The following ANO8 variants were observed in gnomAD, a reference collection of about 807,000 sequenced individuals.
ANO8 encodes anoctamin-8.
ANO8 carries 67 observed loss-of-function variants against 120.4 expected under a neutral mutation model. The observed-to-expected ratio is 0.56, with a 90% confidence interval of 0.46 to 0.68. The LOEUF (loss-of-function observed/expected upper bound fraction) is 0.68, where lower values mean the gene tolerates loss of function less well. Ranked by LOEUF, ANO8 falls within the 30% of genes least tolerant of loss-of-function variation. The pLI is 0.00. For missense variants in ANO8, 1,526 were observed against 1,737.6 expected (o/e 0.88, Z 2.16); for synonymous variants, 727 against 759.2 (o/e 0.96, Z 0.70).
chr19:17,333,141 T>C lies in ANO8; in HGVS notation c.449A>G (p.Tyr150Cys), dbSNP rs779664275. The change falls in exon 4 of 18, where the codon TAT becomes TGT. Residue 150 changes from tyrosine to cysteine, a missense_variant. Around this residue, in one of 8 missense-constraint regions of ANO8, gnomAD observed 322 missense variants for 431.8 expected, o/e 0.75. Transcript: ENST00000159087. The surrounding 1 kb of genome is among the most constrained non-coding windows in gnomAD (Gnocchi z 7.2). ...RGFSCEEDFI[Y>C]ENVESELRFF... ...GCGTAGCTCGCTCTCCACATTCTCATAGATAAAGTCCTCCTCGCAGGAGAA... is the reference window on the plus strand; with the variant it reads ...GCGTAGCTCGCTCTCCACATTCTCACAGATAAAGTCCTCCTCGCAGGAGAA... 2 of 1,613,894 alleles carry C rather than the reference T, an allele frequency of 1.2e-6. No homozygotes were observed. Among genetic ancestry groups the C allele is most frequent in the Admixed American group, 3.3e-5 (2 of 60,006 alleles).
chr19:17,333,178 C>CTT lies in ANO8; in HGVS notation c.411_412insAA (p.Gly138LysfsTer81). 1 of 1,610,518 alleles carries CTT rather than the reference C, an allele frequency of 6.2e-7. No homozygotes were observed. Among genetic ancestry groups the CTT allele is most frequent in the Non-Finnish European group, 8.5e-7 (1 of 1,178,426 alleles). ...TCCTCGCAGGAGAAGCCGCGGGTGC[C>CTT]CCCGCCAAACTCGGCCTTCACTGCT... On this transcript the variant is annotated frameshift_variant, in exon 4 of 18. Transcript: ENST00000159087. LOFTEE classifies it high-confidence loss of function. This position sits in a 1 kb window ranked among gnomAD's most constrained non-coding sequence, Gnocchi z 7.2.
rs1372758370 is a variant in ANO8, at chr19:17,332,918, C to T, written c.586+12G>A. On this transcript the variant is annotated intron_variant, in intron 5 of 17. Transcript: ENST00000159087. ...CTCTGCCTGTGATTGGTGTTGACCC[C>T]GCCCTGCTCACTGATTGGCTGGTCC... is the stretch of plus-strand genomic sequence containing the variant. 8.7e-6 allele frequency: 14 copies of T among 1,613,622 alleles called. No homozygotes were observed. Among genetic ancestry groups the T allele is most frequent in the African/African-American group, 2.7e-5 (2 of 74,946 alleles).
Position 17,324,966 on chromosome 19 carries a change from T to C in ANO8, c.3082A>G (p.Lys1028Glu). ...DTRLPAFLSF[K>E]FLKSPETRRD... The stretch of plus-strand genomic sequence containing the variant: ...CGGGTCTCGGGTGACTTGAGGAACT[T>C]GAAGCTGAGGAAGGCAGGCAGGCGG... Residue 1028 changes from lysine (K) to glutamate (E), a missense_variant, in exon 17 of 18, where the codon AAG becomes GAG. Lys to Glu is a moderately conservative substitution (Grantham distance 56, BLOSUM62 1). Around this residue, in one of 8 missense-constraint regions of ANO8, gnomAD observed 489 missense variants for 548.6 expected, o/e 0.89. Transcript: ENST00000159087. The C allele has an allele frequency of 6.2e-7, 1 of 1,613,120 alleles. No individual in the cohort carries two copies. The highest frequency in any genetic ancestry group is 8.5e-7 in the Non-Finnish European group (1 of 1,179,870).
intron 12 of ANO8, 159 bp from the exon 13 acceptor site, chr19:17,329,142 G>T: frequency 1.8e-6 from 1 of 556,976 alleles, no homozygotes. Flanking sequence ...CTCGACGCGA[G>T]GCCCCCAGCG....
chr19:17,334,750 G>A lies in ANO8; in HGVS notation c.-80C>T. The A allele has an allele frequency of 8.1e-7, 1 of 1,232,684 alleles. No individual in the cohort carries two copies. The highest frequency in any genetic ancestry group is 1.1e-6 in the Non-Finnish European group (1 of 947,228). 76.4% of individuals were successfully genotyped at this position (1,232,684 alleles called of 1,614,324 possible). On this transcript the variant is annotated 5_prime_UTR_variant, in exon 1 of 18. Transcript: ENST00000159087. The stretch of plus-strand genomic sequence containing the variant: ...GGGCTCATGGGGCCGGTGCAGCCGC[G>A]GAGCGCGCGGGAGGAGGAGACAAAG...
rs1340544163 is a variant in ANO8, at chr19:17,328,523, C to T, written c.1865G>A (p.Arg622His). 5 of 1,551,482 alleles carry T rather than the reference C, an allele frequency of 3.2e-6. No homozygotes were observed. Among genetic ancestry groups the T allele is most frequent in the Non-Finnish European group, 4.3e-6 (5 of 1,149,450 alleles). Reference sequence around the variant, plus strand: ...GCCGGGCCGACGCCGCCCCGCGCCGCGCTCAGCGAAGCTGACCTTCTTCAG... The same window carrying T: ...GCCGGGCCGACGCCGCCCCGCGCCGTGCTCAGCGAAGCTGACCTTCTTCAG... ...LRLKKVSFAE[R>H]GAGRRRPGPS... is the part of the protein sequence containing the mutation. The change falls in exon 13 of 18, where the codon CGC becomes CAC. Residue 622 changes from arginine to histidine, a missense_variant. Arg to His is a conservative substitution (Grantham distance 29). This residue lies in a region of ANO8 where 467 missense variants were observed against 425.8 expected (regional missense o/e 1.10). Transcript: ENST00000159087.
Position 17,325,126 on chromosome 19 carries a change from G to A in ANO8, c.2922C>T (p.Asn974=), listed in dbSNP as rs779813009. 1.3e-5 allele frequency: 21 copies of A among 1,613,698 alleles called. No homozygotes were observed. The highest frequency in any genetic ancestry group is 1.2e-4 in the South Asian group (11 of 91,078). The part of the protein sequence containing the change: ...KRPGSLLAPN[N]VMKLKQIIPL... ...GGATGATCTGCTTCAACTTCATGAC[G>A]TTGTTGGGTGCCAGCAGGGACCCTG... Residue 974 remains asparagine (N), a synonymous_variant, in exon 17 of 18, where the codon AAC becomes AAT. Transcript: ENST00000159087.
At chr19:17,330,578 C>T (rs1348486802) in intron 8 of ANO8, 74 bp from the exon 9 acceptor site, 2 of 1,450,750 alleles carry the variant, frequency 1.4e-6, no homozygotes, top group Non-Finnish European at 1.8e-6. Context: ...CCTCCCTATC[C>T]TCAGAACTCA....
At chr19:17,331,492 G>C in intron 5 of ANO8, 81 bp from the exon 6 acceptor site, 5 of 1,311,784 alleles carry the variant, frequency 3.8e-6, no homozygotes, top group Non-Finnish European at 5.5e-6. Flanking sequence ...TGAAACCCAA[G>C]TCACAGCTTT....
chr19:17,332,275 C>T (rs149729142), intron 5 of ANO8, among the ~76,000 whole-genome samples: 3 of 149,696 alleles, frequency 2.0e-5, no homozygotes, highest in Non-Finnish European at 4.4e-5. Flanking sequence ...GAGACAGGGT[C>T]TCGCTCTGTC....
chr19:17,333,883 C>A lies in ANO8; in HGVS notation c.107-83G>T. The stretch of plus-strand genomic sequence containing the variant: ...CAGTCTTGGCTCCTCCTGCCCCCGC[C>A]AGGGCTCCTCACCACTCCACCTGGC... On this transcript the variant is annotated intron_variant, in intron 1 of 17. Transcript: ENST00000159087. This position sits in a 1 kb window ranked among gnomAD's most constrained non-coding sequence, Gnocchi z 7.2. The A allele has an allele frequency of 8.5e-7, 1 of 1,178,498 alleles. No homozygotes were observed. Among genetic ancestry groups the A allele is most frequent in the Non-Finnish European group, 1.2e-6 (1 of 814,364 alleles). 73.0% of individuals were successfully genotyped at this position (1,178,498 alleles called of 1,614,324 possible).
intron 1 of ANO8, among the ~76,000 whole-genome samples, 178 bp downstream of exon 1, chr19:17,334,387 A>C (rs1028391018): frequency 3.9e-5 from 6 of 152,066 alleles, no homozygotes; most frequent in African/African-American, 1.4e-4. Context: ...CCGGGACCCC[A>C]GCCCGAAGCA....
rs761300384 is a variant in ANO8, at chr19:17,330,221, G to C, written c.1177C>G (p.Arg393Gly). The change falls in exon 10 of 18, where the codon CGT (arginine) becomes GGT (glycine). Residue 393 changes from arginine to glycine, a missense_variant. Transcript: ENST00000159087. ...ACCTTAGGCAGGAATCGGGCGAGAC[G>C]GGGCAACCCCTTCACGCTCAGCACC... ...ELVLSVKGLP[R>G]LARFLPKVML... is the part of the protein sequence containing the mutation. 2 of 1,613,968 alleles carry C rather than the reference G, an allele frequency of 1.2e-6. No individual in the cohort carries two copies. The highest frequency in any genetic ancestry group is 2.2e-5 in the East Asian group (1 of 44,868).
rs1353078328 is a variant in ANO8, at chr19:17,323,395, T to TG, written c.*121dup. On this transcript the variant is annotated 3_prime_UTR_variant, in exon 18 of 18. Coordinates refer to ENST00000159087, the MANE Select transcript of ANO8 (RefSeq NM_020959.3). ...TTCGTTTGGAAAGGAAAACGGCAGA[T>TG]GGGGGGCACCGACCAATACTGGGGG... 3 of 947,510 alleles carry TG rather than the reference T, an allele frequency of 3.2e-6. No homozygotes were observed. Among genetic ancestry groups the TG allele is most frequent in the Non-Finnish European group, 4.2e-6 (3 of 718,806 alleles). 58.7% of individuals were successfully genotyped at this position (947,510 alleles called of 1,614,324 possible). A position where few individuals can be genotyped will look rare whatever the true frequency, so the allele number is the denominator to read the frequency against.
At chr19:17,332,436 C>T (rs905663308) in intron 5 of ANO8, among the ~76,000 whole-genome samples, 1 of 152,022 alleles carries the variant, frequency 6.6e-6, no homozygotes, top group Non-Finnish European at 1.5e-5. Context: ...TTTGTGGACC[C>T]GAACGTCTGA....
Position 17,325,210 on chromosome 19 carries a change from G to C in ANO8, c.2838C>G (p.Ala946=), listed in dbSNP as rs767603533. 1.9e-6 allele frequency: 3 copies of C among 1,612,372 alleles called. No homozygotes were observed. The South Asian group carries it at 3.3e-5, about 18-fold the overall frequency. ...GLDPATSSEK[A]SAKAKGSTAG... The stretch of plus-strand genomic sequence containing the variant: ...CAGTGCTGCCCTTGGCCTTGGCAGA[G>C]GCCTTCTCGGAGGAGGTGGCAGGGT... The change falls in exon 17 of 18, where the codon GCC becomes GCG. Residue 946 remains alanine (A), a synonymous_variant. Coordinates refer to ENST00000159087, the MANE Select transcript of ANO8 (RefSeq NM_020959.3).
In ANO8 at chr19:17,323,553, G is replaced by C; in HGVS notation, c.3663C>G (p.Ser1221Arg). 7.7e-7 allele frequency: 1 copy of C among 1,292,438 alleles called. No individual in the cohort carries two copies. The highest frequency in any genetic ancestry group is 1.5e-5 in the African/African-American group (1 of 66,252). The allele number at this position is 1,292,438 out of a possible 1,614,324, so 80.1% of individuals were successfully genotyped here. ...CGCTGGGCCAGCACACGGCCTGGGG[G>C]CTGGGGCTGGGGCTAGGGGAGGGCG... is the stretch of plus-strand genomic sequence containing the variant. ...TPAPSPSPSP[S>R]PQAVCWPSGW... Residue 1221 changes from serine (S) to arginine (R), a missense_variant, in exon 18 of 18, where the codon AGC becomes AGG. Transcript: ENST00000159087.
chr19:17,326,813 C>G (rs1056542374), intron 16 of ANO8, among the ~76,000 whole-genome samples: 2 of 152,212 alleles, frequency 1.3e-5, no homozygotes, highest in Non-Finnish European at 2.9e-5. Flanking sequence ...CCCTGGCCCC[C>G]TAACAGGATG....
In ANO8 at chr19:17,325,243, A is replaced by G; in HGVS notation, c.2805T>C (p.Ser935=). 6.2e-7 allele frequency: 1 copy of G among 1,610,462 alleles called. No homozygotes were observed. The highest frequency in any genetic ancestry group is 1.1e-5 in the South Asian group (1 of 91,072). The change falls in exon 17 of 18, where the codon TCT becomes TCC. Residue 935 remains serine, a synonymous_variant. Coordinates refer to ENST00000159087, the MANE Select transcript of ANO8 (RefSeq NM_020959.3). ...GGREEARAEG[S]GLDPATSSEK... The stretch of plus-strand genomic sequence containing the variant: ...CGGAGGAGGTGGCAGGGTCCAGCCC[A>G]GAGCCCTCGGCCCTCGCCTCCTCTC...
Sources: allele counts gnomAD v4.1 joint callset (sites outside exome capture counted in the v4.1 genomes callset), GRCh38; gene constraint gnomAD v4.1.1; regional missense constraint gnomAD v4.1.1; non-coding constraint Gnocchi (gnomAD v3.1); transcripts MANE v1.5; gene names NCBI Gene and HGNC (gene_info 2026-07-23, HGNC 2026-07-21).